The following NRDC variants were observed in gnomAD, a reference collection of about 807,000 sequenced individuals.
The protein encoded by NRDC is nardilysin convertase, also known as nardilysin.
NRDC carries 54 observed loss-of-function variants against 147.1 expected under a neutral mutation model. The observed-to-expected ratio is 0.37, with a 90% CI of 0.29 to 0.46. The LOEUF (loss-of-function observed/expected upper bound fraction) is 0.46. Ranked by LOEUF, NRDC falls within the 20% of genes least tolerant of loss-of-function variation. NRDC has a pLI of 1.00. For missense variants in NRDC, 1,082 were observed against 1,370.6 expected (o/e 0.79, Z 3.33); for synonymous variants, 440 against 482.1 (o/e 0.91, Z 1.14).
rs766667074 is a variant in NRDC, at chr1:51,790,952, G to T, written c.2999C>A (p.Ser1000Tyr). The change falls in exon 28 of 31, where the codon TCT (serine) becomes TAT (tyrosine). Residue 1000 changes from serine (S) to tyrosine (Y), a missense_variant. By Grantham distance (144) the Ser-to-Tyr change is moderately radical. Coordinates refer to ENST00000352171, the MANE Select transcript of NRDC (RefSeq NM_001101662.2). ...GTTCTCAATCTTCTCCTCAAAGCTA[G>T]AAAGAAACTCTTCTATCTTCTTATC... Reference protein sequence around the residue: ...VVDKKIEEFLSSFEEKIENLT... With the variant: ...VVDKKIEEFLYSFEEKIENLT... 1 of 1,613,694 alleles carries T rather than the reference G, an allele frequency of 6.2e-7. No homozygotes were observed.
At chr1:51,839,732 A>T (rs1311048856) in intron 2 of NRDC, among the ~76,000 whole-genome samples, 1 of 152,178 alleles carries the variant, frequency 6.6e-6, no homozygotes, top group African/African-American at 2.4e-5. Flanking sequence ...AAACTCAATT[A>T]TCTAATTATC....
chr1:51,825,203 A>G, intron 6 of NRDC, 84 bp downstream of exon 6: 1 of 957,092 alleles, frequency 1.0e-6, no homozygotes. Context: ...CTCTAGCTTT[A>G]TAATTTTCAA....
chr1:51,812,194 T>C (rs961840880), intron 14 of NRDC, 96 bp from the exon 15 acceptor site: 7 of 869,058 alleles, frequency 8.1e-6, no homozygotes, highest in African/African-American at 3.4e-5. Flanking sequence ...TTATTAACAA[T>C]AAAACCAAAA....
chr1:51,836,329 T>C, intron 2 of NRDC, 117 bp from the exon 3 acceptor site: 1 of 1,602,928 alleles, frequency 6.2e-7, no homozygotes, highest in Non-Finnish European at 8.5e-7. Context: ...AACAAAATTC[T>C]TTCCCTGAGA....
At chr1:51,872,349 CACA>C (rs908225250) in intron 1 of NRDC, among the ~76,000 whole-genome samples, 1 of 152,156 alleles carries the variant, frequency 6.6e-6, no homozygotes, top group Non-Finnish European at 1.5e-5. Flanking sequence ...CACACACACA[CACA>C]ACTTCAGTTA....
intron 1 of NRDC, among the ~76,000 whole-genome samples, chr1:51,864,128 T>A (rs963609495): frequency 6.6e-6 from 1 of 152,216 alleles, no homozygotes; most frequent in African/African-American, 2.4e-5. Flanking sequence ...TTCTACTGAA[T>A]GCATATCACT....
intron 3 of NRDC, 39 bp downstream of exon 3, chr1:51,836,091 GA>G (rs767003822): frequency 1.5e-4 from 221 of 1,510,852 alleles, no homozygotes; most frequent in Admixed American, 1.2e-3. Context: ...TTGGAGGGGG[GA>G]AAAAAACACA....
chr1:51,823,721 C>T lies in NRDC; in HGVS notation c.1102G>A (p.Glu368Lys), dbSNP rs1680313184. 1 of 1,606,706 alleles carries T rather than the reference C, an allele frequency of 6.2e-7. No homozygotes were observed. Among genetic ancestry groups the T allele is most frequent in the Admixed American group, 1.7e-5 (1 of 59,970 alleles). Residue 368 changes from glutamate to lysine, a missense_variant, in exon 7 of 31, where the codon GAA becomes AAA. By Grantham distance (56) the Glu-to-Lys change is moderately conservative. This residue lies in a region of NRDC where 635 missense variants were observed against 923.8 expected (regional missense o/e 0.69). Transcript: ENST00000352171. ...NNIDTHARLREFWMRYYSSHY... is the reference protein window; with the variant it reads ...NNIDTHARLRKFWMRYYSSHY... Reference sequence around the variant, plus strand: ...GAAGAGTAGTAACGCATCCAGAATTCTCTCAATCTAGCATGTGTATCAATA... The same window carrying T: ...GAAGAGTAGTAACGCATCCAGAATTTTCTCAATCTAGCATGTGTATCAATA...
intron 4 of NRDC, among the ~76,000 whole-genome samples, chr1:51,828,991 G>C (rs895187894): frequency 2.0e-5 from 3 of 152,064 alleles, no homozygotes; most frequent in Non-Finnish European, 4.4e-5. Context: ...TTAACTACCT[G>C]CTAGATATAT....
chr1:51,829,392 T>G (rs1680601762), intron 4 of NRDC, among the ~76,000 whole-genome samples: 1 of 152,250 alleles, frequency 6.6e-6, no homozygotes, highest in Non-Finnish European at 1.5e-5. Flanking sequence ...CAATTTATGA[T>G]TCTAGTTATT....
chr1:51,792,306 G>A (rs1678693815), intron 25 of NRDC, 71 bp downstream of exon 25: 1 of 1,505,508 alleles, frequency 6.6e-7, no homozygotes, highest in Non-Finnish European at 9.2e-7. Context: ...CCCTAACCCA[G>A]GCAGAAAAGG....
At chr1:51,798,053 A>G (rs1679014623) in intron 22 of NRDC, 196 bp downstream of exon 22, 1 of 528,486 alleles carries the variant, frequency 1.9e-6, no homozygotes, top group Admixed American at 3.3e-5. Flanking sequence ...TACAGGCGTG[A>G]GCCATCATTC....
At chr1:51,877,125 T>C (rs1212921735) in intron 1 of NRDC, among the ~76,000 whole-genome samples, 2 of 147,276 alleles carry the variant, frequency 1.4e-5, no homozygotes, top group African/African-American at 4.9e-5. Flanking sequence ...GAGGCGGAGG[T>C]TGCAGTGAGC....
chr1:51,814,477 A>C, intron 13 of NRDC, 74 bp downstream of exon 13: 2 of 1,417,724 alleles, frequency 1.4e-6, no homozygotes, highest in Non-Finnish European at 2.0e-6. Context: ...AGACTAAAGC[A>C]TGTCTACCGG....
chr1:51,814,519 C>T lies in NRDC; in HGVS notation c.1619+32G>A, dbSNP rs375499809. Reference sequence around the variant, plus strand: ...GAAGCCTCAAATATACCAGGACTGGCTCCTGGCCTCATTCCAGGAAGTGTT... The same window carrying T: ...GAAGCCTCAAATATACCAGGACTGGTTCCTGGCCTCATTCCAGGAAGTGTT... On this transcript the variant is annotated intron_variant, in intron 13 of 30. Coordinates refer to ENST00000352171, the MANE Select transcript of NRDC (RefSeq NM_001101662.2). The T allele has an allele frequency of 4.4e-6, 7 of 1,601,022 alleles. No individual in the cohort carries two copies. In the African/African-American group the frequency reaches 6.7e-5, roughly 15 times the overall value.
At position 51,798,370 on chromosome 1, in the gene NRDC, A is replaced by G. The variant is rs1246112226; in HGVS notation, c.2483T>C (p.Met828Thr). The change falls in exon 22 of 31, where the codon ATG (methionine) becomes ACG (threonine). Residue 828 changes from methionine to threonine, a missense_variant. By Grantham distance (81) the Met-to-Thr change is moderately conservative (BLOSUM62 -1). Around this residue, in one of 3 missense-constraint regions of NRDC, gnomAD observed 635 missense variants for 923.8 expected, o/e 0.69. Coordinates refer to ENST00000352171, the MANE Select transcript of NRDC (RefSeq NM_001101662.2). ...CATCAAAGCCTGGTACTTGTCAATCATAGACCAACGGGCATATTCCAAGAT... is the reference window on the plus strand; with the variant it reads ...CATCAAAGCCTGGTACTTGTCAATCGTAGACCAACGGGCATATTCCAAGAT... Reference protein sequence around the residue: ...LLILEYARWSMIDKYQALMDG... With the variant: ...LLILEYARWSTIDKYQALMDG... 5.0e-6 allele frequency: 8 copies of G among 1,614,166 alleles called. No homozygotes were observed. The highest frequency in any genetic ancestry group is 6.8e-6 in the Non-Finnish European group (8 of 1,179,994).
Position 51,803,883 on chromosome 1 carries a change from C to T in NRDC, c.2244G>A (p.Leu748=), listed in dbSNP as rs766199529. 1.9e-5 allele frequency: 31 copies of T among 1,613,486 alleles called. No individual in the cohort carries two copies. Among genetic ancestry groups the T allele is most frequent in the Non-Finnish European group, 2.6e-5 (31 of 1,179,656 alleles). ...EPAYEADVAQ[L]EYKLVAGEHG... is the part of the protein sequence containing the mutation. The stretch of plus-strand genomic sequence containing the variant: ...GTTCTCCAGCTACCAGTTTATACTC[C>T]AGCTGTGCCACATCTGCTTCATAAG... Residue 748 remains leucine, a synonymous_variant, in exon 20 of 31, where the codon CTG becomes CTA. Transcript: ENST00000352171.
intron 24 of NRDC, among the ~76,000 whole-genome samples, chr1:51,793,694 G>C (rs1316667446): frequency 6.6e-6 from 1 of 152,188 alleles, no homozygotes. Context: ...CCCAGTCAGG[G>C]ATCTTCACAA....
chr1:51,792,933 A>T (rs1678722036), intron 24 of NRDC, among the ~76,000 whole-genome samples: 1 of 152,226 alleles, frequency 6.6e-6, no homozygotes, highest in African/African-American at 2.4e-5. Flanking sequence ...GCTGCCCAAG[A>T]CTGGCAAAAT....
Sources: gnomAD v4.1 joint callset for allele counts (sites outside exome capture counted in the v4.1 genomes callset) on GRCh38, gnomAD v4.1.1 for gene constraint, gnomAD v4.1.1 regional missense constraint, MANE v1.5 for transcripts, NCBI Gene and HGNC (gene_info 2026-07-23, HGNC 2026-07-21) for gene names.